The following TUSC3 variants were observed in gnomAD, a reference collection of about 807,000 sequenced individuals.
The protein encoded by TUSC3 is dolichyl-diphosphooligosaccharide--protein glycosyltransferase subunit TUSC3.
TUSC3 carries 45 observed loss-of-function variants against 44.8 expected under a neutral mutation model. That is an observed-to-expected ratio of 1.00 (90% confidence interval 0.79 to 1.29). The LOEUF is 1.29. Ranked by LOEUF, TUSC3 falls within the 50% of genes most tolerant of loss-of-function variation. The pLI is 0.00. For synonymous variants in TUSC3, 212 were observed against 152.9 expected, an observed-to-expected ratio of 1.39 and a Z score of -2.85; for missense variants, 519 against 437.9, an observed-to-expected ratio of 1.19 and a Z score of -1.65.
chr8:15,636,434 C>T (rs1351952159), intron 2 of TUSC3, among the ~76,000 whole-genome samples: 4 of 152,040 alleles, frequency 2.6e-5, no homozygotes, highest in Non-Finnish European at 5.9e-5. Flanking sequence ...ACGCTTAATA[C>T]CTTAGTCATC....
At chr8:15,730,555 A>C in intron 6 of TUSC3, 111 bp from the exon 7 acceptor site, 1 of 1,048,544 alleles carries the variant, frequency 9.5e-7, no homozygotes, top group Non-Finnish European at 1.4e-6. Flanking sequence ...AGTAATAAAA[A>C]ATTAGTAAAA....
intron 6 of TUSC3, among the ~76,000 whole-genome samples, chr8:15,681,224 T>TC (rs1255201769): frequency 1.3e-5 from 2 of 151,450 alleles, no homozygotes; most frequent in Non-Finnish European, 3.0e-5. Context: ...CCTCCTTTTT[T>TC]TTTGGAATAG....
chr8:15,830,933 G>A, the TUSC3 span, among the ~76,000 whole-genome samples: 1 of 152,092 alleles, frequency 6.6e-6, no homozygotes, highest in African/African-American at 2.4e-5. Flanking sequence ...AATTAAAAAG[G>A]AAGCCAAGTG....
the TUSC3 span, among the ~76,000 whole-genome samples, chr8:15,813,453 C>T: frequency 7.0e-6 from 1 of 143,002 alleles, no homozygotes; most frequent in East Asian, 1.9e-4. Context: ...CTTGTAATAC[C>T]ATCCTGTAAG....
chr8:15,826,848 T>C, the TUSC3 span, among the ~76,000 whole-genome samples: 2 of 152,126 alleles, frequency 1.3e-5, no homozygotes, highest in Non-Finnish European at 2.9e-5. Context: ...GGGCATCTTA[T>C]GTGTTTGTTG....
chr8:15,830,786 T>C, the TUSC3 span, among the ~76,000 whole-genome samples: 1 of 152,102 alleles, frequency 6.6e-6, no homozygotes, highest in South Asian at 2.1e-4. Context: ...GGATCAGGGT[T>C]GAAAAATTAT....
At chr8:15,556,488 A>G (rs1445049028) in intron 1 of TUSC3, among the ~76,000 whole-genome samples, 6 of 151,326 alleles carry the variant, frequency 4.0e-5, no homozygotes, top group South Asian at 4.2e-4. Context: ...CCTTATAGCA[A>G]TACGATTTAT....
the TUSC3 span, among the ~76,000 whole-genome samples, chr8:15,803,677 G>A: frequency 6.6e-6 from 1 of 152,102 alleles, no homozygotes; most frequent in Non-Finnish European, 1.5e-5. Flanking sequence ...AGCCCTGCAT[G>A]CATTAGGTAT....
chr8:15,585,281 T>C (rs1803548768), intron 1 of TUSC3, among the ~76,000 whole-genome samples: 1 of 152,056 alleles, frequency 6.6e-6, no homozygotes, highest in African/African-American at 2.4e-5. Flanking sequence ...TCAATAAAGG[T>C]TCAAGAGAGA....
At chr8:15,848,680 C>T in the TUSC3 span, among the ~76,000 whole-genome samples, 4 of 152,168 alleles carry the variant, frequency 2.6e-5, no homozygotes, top group East Asian at 1.9e-4. Context: ...GACAGTCAAC[C>T]AGCTTCACAC....
intron 1 of TUSC3, among the ~76,000 whole-genome samples, chr8:15,482,484 G>A: frequency 6.6e-6 from 1 of 152,282 alleles, no homozygotes; most frequent in East Asian, 1.9e-4. Context: ...ATATTTTAAG[G>A]TCACTGTTGA....
chr8:15,510,627 A>T (rs1405817372), intron 2 of TUSC3, among the ~76,000 whole-genome samples: 1 of 152,166 alleles, frequency 6.6e-6, no homozygotes, highest in East Asian at 1.9e-4. Context: ...CCAGGCCCAG[A>T]TGGCTCTCTT....
chr8:15,843,461 A>G, the TUSC3 span, among the ~76,000 whole-genome samples: 1 of 152,002 alleles, frequency 6.6e-6, no homozygotes, highest in African/African-American at 2.4e-5. Flanking sequence ...ACTTAAAGAG[A>G]TGAATTTATA....
At chr8:15,445,354 G>A (rs1366113208) in intron 1 of TUSC3, among the ~76,000 whole-genome samples, 3 of 151,304 alleles carry the variant, frequency 2.0e-5, no homozygotes, top group African/African-American at 4.9e-5. Flanking sequence ...ATTATTGGGT[G>A]TTTCTCAGAG....
chr8:15,523,032 C>T (rs865913170), intron 2 of TUSC3, among the ~76,000 whole-genome samples: 1 of 152,142 alleles, frequency 6.6e-6, no homozygotes, highest in East Asian at 1.9e-4. Flanking sequence ...AGACTGAGAA[C>T]TATACCAGCT....
At chr8:15,619,593 G>A (rs1250725969) in intron 1 of TUSC3, among the ~76,000 whole-genome samples, 1 of 151,898 alleles carries the variant, frequency 6.6e-6, no homozygotes, top group Admixed American at 6.6e-5. Flanking sequence ...CTGGGTTCAC[G>A]CCATTCTCCT....
At chr8:15,603,845 G>A (rs1669950194) in intron 1 of TUSC3, among the ~76,000 whole-genome samples, 1 of 151,398 alleles carries the variant, frequency 6.6e-6, no homozygotes, top group Admixed American at 6.6e-5. Flanking sequence ...TTATGTAAAT[G>A]AAGATGTTTT....
chr8:15,617,238 C>G (rs916017035), intron 1 of TUSC3, among the ~76,000 whole-genome samples: 12 of 150,352 alleles, frequency 8.0e-5, no homozygotes, highest in African/African-American at 2.9e-4. Flanking sequence ...CTCCCAGGTT[C>G]AAGTGATTCT....
At chr8:15,817,295 C>G in the TUSC3 span, among the ~76,000 whole-genome samples, 1 of 151,910 alleles carries the variant, frequency 6.6e-6, no homozygotes. Flanking sequence ...ACTCTCTCCA[C>G]CACCTTAGAA....
Sources: allele counts gnomAD v4.1 joint callset (sites outside exome capture counted in the v4.1 genomes callset), GRCh38; gene constraint gnomAD v4.1.1; transcripts MANE v1.5; gene names NCBI Gene and HGNC (gene_info 2026-07-23, HGNC 2026-07-21).